SPATA16: variants seen among roughly 807,000 people sequenced by gnomAD.
SPATA16 encodes spermatogenesis-associated protein 16.
Under a neutral mutation model 63.3 loss-of-function variants are expected in SPATA16, and 36 were observed. That is an observed-to-expected ratio of 0.57 (90% CI 0.44 to 0.75). SPATA16 has a LOEUF of 0.75. SPATA16 is among the 30% of genes least tolerant of loss of function. The pLI, the probability that SPATA16 is intolerant of heterozygous loss-of-function variation, is 0.00. For synonymous variants in SPATA16, 203 were observed against 216.7 expected, an observed-to-expected ratio of 0.94 and a Z score of 0.56; for missense variants, 646 against 679.3, an observed-to-expected ratio of 0.95 and a Z score of 0.54.
chr3:172,896,526 G>A (rs1399011496), intron 10 of SPATA16, among the ~76,000 whole-genome samples: 4 of 152,108 alleles, frequency 2.6e-5, no homozygotes, highest in South Asian at 2.1e-4. Context: ...CGAAACTGCC[G>A]TATTATTTTC....
chr3:172,916,597 T>C, intron 8 of SPATA16, 116 bp from the exon 9 acceptor site: 1 of 1,105,878 alleles, frequency 9.0e-7, no homozygotes, highest in Admixed American at 1.8e-5. Flanking sequence ...TAACGGAATC[T>C]AGTACAAATA....
At chr3:173,060,488 A>C (rs1385785742) in intron 2 of SPATA16, among the ~76,000 whole-genome samples, 3 of 152,214 alleles carry the variant, frequency 2.0e-5, no homozygotes, top group Non-Finnish European at 4.4e-5. Context: ...CCAATATGAG[A>C]TAAGATCAAA....
chr3:173,016,078 T>C (rs1735180321), intron 4 of SPATA16, among the ~76,000 whole-genome samples: 1 of 152,216 alleles, frequency 6.6e-6, no homozygotes, highest in African/African-American at 2.4e-5. Flanking sequence ...TAACTTAATT[T>C]GTGGTCTGAA....
intron 6 of SPATA16, among the ~76,000 whole-genome samples, chr3:172,939,381 T>C (rs1733091602): frequency 6.6e-6 from 1 of 152,110 alleles, no homozygotes; most frequent in Admixed American, 6.6e-5. Flanking sequence ...AAGGCAAATA[T>C]TACAATGAGA....
chr3:172,904,273 T>G (rs926228029), intron 10 of SPATA16, among the ~76,000 whole-genome samples: 2 of 152,244 alleles, frequency 1.3e-5, no homozygotes, highest in Admixed American at 1.3e-4. Flanking sequence ...TAAATTTTTC[T>G]ATAGCTTGTT....
Position 172,912,627 on chromosome 3 carries a change from T to A in SPATA16, c.1587+1034A>T, listed in dbSNP as rs547311775. ...AAGACCTTCACTTCCACTGAATGAA[T>A]AGTAAATATATTTTCTCTTCATTAT... is the stretch of plus-strand genomic sequence containing the variant. On this transcript the variant is annotated intron_variant, in intron 10 of 10. Coordinates refer to ENST00000351008, the MANE Select transcript of SPATA16 (RefSeq NM_031955.6). Among the ~76,000 whole-genome samples, 7 of 152,328 alleles carry A rather than the reference T, an allele frequency of 4.6e-5. No homozygotes were observed. In the East Asian group the frequency reaches 1.3e-3, roughly 29 times the overall value.
chr3:173,019,750 G>A (rs985964102), intron 3 of SPATA16, among the ~76,000 whole-genome samples, 175 bp from the exon 4 acceptor site: 2 of 152,006 alleles, frequency 1.3e-5, no homozygotes, highest in African/African-American at 4.8e-5. Flanking sequence ...AAATAAACAA[G>A]CATTATTGAA....
At chr3:172,923,025 G>A (rs1305075920) in intron 8 of SPATA16, among the ~76,000 whole-genome samples, 3 of 152,146 alleles carry the variant, frequency 2.0e-5, no homozygotes, top group East Asian at 1.9e-4. Flanking sequence ...CACAGCACCC[G>A]ATACACTGGC....
At chr3:173,052,837 T>C (rs1400493434) in intron 2 of SPATA16, among the ~76,000 whole-genome samples, 1 of 152,146 alleles carries the variant, frequency 6.6e-6, no homozygotes, top group African/African-American at 2.4e-5. Flanking sequence ...AAATAAGTCA[T>C]GGAGATAAGG....
chr3:172,984,504 G>T (rs1734396231), intron 4 of SPATA16, among the ~76,000 whole-genome samples: 1 of 152,200 alleles, frequency 6.6e-6, no homozygotes, highest in East Asian at 1.9e-4. Context: ...GGGTTCAGGA[G>T]TTTCAGTAGT....
At chr3:173,113,805 T>A (rs73030986) in intron 2 of SPATA16, among the ~76,000 whole-genome samples, 7,888 of 152,266 alleles carry the variant, frequency 0.052, 695 homozygotes, top group African/African-American at 0.18. Context: ...TTCTGTTTCT[T>A]TTTTGTGGTC....
chr3:173,056,057 C>G (rs1736214474), intron 2 of SPATA16, among the ~76,000 whole-genome samples: 1 of 152,046 alleles, frequency 6.6e-6, no homozygotes, highest in South Asian at 2.1e-4. Context: ...TAAGGTTTTA[C>G]TGTGTTAAAT....
At chr3:172,960,875 C>CTT (rs139523157) in intron 5 of SPATA16, among the ~76,000 whole-genome samples, 1 of 142,182 alleles carries the variant, frequency 7.0e-6, no homozygotes, top group African/African-American at 2.7e-5. Context: ...CTTTCTTTCT[C>CTT]TCTTTCTTTC....
At chr3:172,910,724 C>T (rs1025900913) in intron 10 of SPATA16, among the ~76,000 whole-genome samples, 4 of 152,082 alleles carry the variant, frequency 2.6e-5, no homozygotes, top group African/African-American at 9.7e-5. Context: ...TGGGCTTCTC[C>T]GCCTAAGTTT....
At chr3:172,976,342 T>C (rs1734158727) in intron 5 of SPATA16, among the ~76,000 whole-genome samples, 3 of 152,186 alleles carry the variant, frequency 2.0e-5, no homozygotes, top group African/African-American at 7.2e-5. Context: ...TATTGACAGC[T>C]TGTTGGGGGA....
intron 10 of SPATA16, among the ~76,000 whole-genome samples, chr3:172,904,698 T>A (rs1732196796): frequency 6.6e-6 from 1 of 152,212 alleles, no homozygotes; most frequent in Non-Finnish European, 1.5e-5. Flanking sequence ...AGGAGAAAGA[T>A]GTTGGTTTAA....
chr3:173,048,534 A>T (rs569808127), intron 3 of SPATA16, among the ~76,000 whole-genome samples: 44 of 152,226 alleles, frequency 2.9e-4, no homozygotes, highest in African/African-American at 9.4e-4. Flanking sequence ...GAATCAGCTA[A>T]TGTGATCACC....
intron 9 of SPATA16, among the ~76,000 whole-genome samples, chr3:172,914,357 T>C (rs1732434410): frequency 6.6e-6 from 1 of 152,130 alleles, no homozygotes; most frequent in African/African-American, 2.4e-5. Flanking sequence ...CCTGTACACA[T>C]GGTGTGTATT....
intron 6 of SPATA16, among the ~76,000 whole-genome samples, chr3:172,932,546 A>G (rs914956431): frequency 6.6e-6 from 1 of 152,012 alleles, no homozygotes; most frequent in African/African-American, 2.4e-5. Flanking sequence ...TTCTTTCTCA[A>G]TCGTGTTCTG....
Sources: gnomAD v4.1 joint callset for allele counts (sites outside exome capture counted in the v4.1 genomes callset) on GRCh38, gnomAD v4.1.1 for gene constraint, MANE v1.5 for transcripts, NCBI Gene and HGNC (gene_info 2026-07-23, HGNC 2026-07-21) for gene names.